The following ZBTB20 variants were observed in gnomAD, a reference collection of about 807,000 sequenced individuals.
ZBTB20 encodes the protein zinc finger and BTB domain-containing protein 20.
In ZBTB20, 9 loss-of-function variants were observed where a neutral mutation model predicts 56.9. That is an observed-to-expected ratio of 0.16 (90% CI 0.10 to 0.28). The LOEUF (loss-of-function observed/expected upper bound fraction) is 0.28, where lower values mean the gene tolerates loss of function less well. Ranked by LOEUF, ZBTB20 falls within the 10% of genes least tolerant of loss-of-function variation. ZBTB20 has a pLI of 1.00. For synonymous variants in ZBTB20, 417 were observed against 420.7 expected (o/e 0.99, Z 0.11); for missense variants, 655 against 1,003.0 (o/e 0.65, Z 4.69).
chr3:115,097,635 G>A (rs2083428994), intron 1 of ZBTB20, among the ~76,000 whole-genome samples: 1 of 152,104 alleles, frequency 6.6e-6, no homozygotes, highest in South Asian at 2.1e-4. Flanking sequence ...TTAGGTAACT[G>A]TCTGCTCCAA....
At chr3:114,473,428 G>C (rs1411609912) in intron 7 of ZBTB20, among the ~76,000 whole-genome samples, 1 of 152,126 alleles carries the variant, frequency 6.6e-6, no homozygotes, top group East Asian at 1.9e-4. Context: ...TGCATATTTT[G>C]TCTAAATATT....
chr3:114,855,353 T>C (rs1045096271), intron 4 of ZBTB20, among the ~76,000 whole-genome samples: 1 of 152,202 alleles, frequency 6.6e-6, no homozygotes, highest in Non-Finnish European at 1.5e-5. Context: ...ATATATCCCA[T>C]GTTACCAGGA....
intron 6 of ZBTB20, among the ~76,000 whole-genome samples, chr3:114,639,586 T>A (rs1010312317): frequency 6.6e-6 from 1 of 152,080 alleles, no homozygotes; most frequent in Non-Finnish European, 1.5e-5. Context: ...AAACTGACAT[T>A]TTTTTAGGAA....
At chr3:114,514,001 T>C (rs1334890343) in intron 6 of ZBTB20, among the ~76,000 whole-genome samples, 3 of 152,060 alleles carry the variant, frequency 2.0e-5, no homozygotes, top group African/African-American at 4.8e-5. Flanking sequence ...TATGTATGTG[T>C]ATATGTATGT....
chr3:114,387,946 T>A (rs996071010), intron 8 of ZBTB20: 1 of 152,238 alleles, frequency 6.6e-6, no homozygotes, highest in Non-Finnish European at 1.5e-5. Flanking sequence ...TTCAGTTGAC[T>A]GGAAGCATTA....
chr3:114,479,716 C>A (rs1380649412), intron 7 of ZBTB20, among the ~76,000 whole-genome samples: 3 of 152,176 alleles, frequency 2.0e-5, no homozygotes, highest in Non-Finnish European at 4.4e-5. Flanking sequence ...AGAAATACAG[C>A]CACATAATTT....
At chr3:114,564,121 A>C (rs1379871315) in intron 6 of ZBTB20, among the ~76,000 whole-genome samples, 1 of 150,134 alleles carries the variant, frequency 6.7e-6, no homozygotes, top group Non-Finnish European at 1.5e-5. Flanking sequence ...GCATCTTTCA[A>C]TCTCTCTCTC....
At chr3:114,670,797 C>T (rs2061322869) in intron 6 of ZBTB20, among the ~76,000 whole-genome samples, 1 of 152,064 alleles carries the variant, frequency 6.6e-6, no homozygotes, top group African/African-American at 2.4e-5. Context: ...GTGGTAGAAG[C>T]AAAATGCTGT....
chr3:114,322,258 T>A lies in ZBTB20; in HGVS notation c.*16747A>T, dbSNP rs952127750. The A allele has an allele frequency of 6.6e-6, 1 of 152,232 alleles. No homozygotes were observed. The highest frequency in any genetic ancestry group is 6.5e-5 in the Admixed American group (1 of 15,286). 9.4% of individuals were successfully genotyped at this position (152,232 alleles called of 1,614,324 possible). Reference sequence around the variant, plus strand: ...CTCCAGGTCATGACTCTATTAAAGATCATTTACAGTGTCAAGTAGTGTTGT... The same window carrying A: ...CTCCAGGTCATGACTCTATTAAAGAACATTTACAGTGTCAAGTAGTGTTGT... On this transcript the variant is annotated 3_prime_UTR_variant, in exon 12 of 12. Coordinates refer to ENST00000675478, the MANE Select transcript of ZBTB20 (RefSeq NM_001348800.3).
chr3:114,359,892 G>A (rs769890633), intron 10 of ZBTB20, among the ~76,000 whole-genome samples: 2 of 151,952 alleles, frequency 1.3e-5, no homozygotes, highest in African/African-American at 4.8e-5. Flanking sequence ...TGTTCTTGTG[G>A]TCTCTACATA....
chr3:114,522,988 T>C (rs963161618), intron 6 of ZBTB20, among the ~76,000 whole-genome samples: 2 of 152,044 alleles, frequency 1.3e-5, no homozygotes, highest in African/African-American at 4.8e-5. Context: ...TGGGTGCAAA[T>C]ATTAAGAGAG....
chr3:115,015,907 A>G (rs2079933705), intron 2 of ZBTB20, among the ~76,000 whole-genome samples: 1 of 151,844 alleles, frequency 6.6e-6, no homozygotes, highest in Non-Finnish European at 1.5e-5. Context: ...TGTCTTCCAC[A>G]ATGGTTGAAC....
chr3:114,798,281 T>G (rs1397799663), intron 5 of ZBTB20, among the ~76,000 whole-genome samples: 2 of 151,122 alleles, frequency 1.3e-5, no homozygotes, highest in Non-Finnish European at 3.0e-5. Flanking sequence ...CCAAATAAAT[T>G]TGCCTCTACA....
intron 6 of ZBTB20, among the ~76,000 whole-genome samples, chr3:114,676,679 A>G (rs182208933): frequency 6.6e-6 from 1 of 152,222 alleles, no homozygotes; most frequent in East Asian, 1.9e-4. Context: ...ATGATATAAT[A>G]TACCAATGTC....
chr3:114,537,740 T>C (rs897825312), intron 6 of ZBTB20, among the ~76,000 whole-genome samples: 5 of 152,124 alleles, frequency 3.3e-5, no homozygotes, highest in Non-Finnish European at 7.3e-5. Context: ...CCAAGCCAAA[T>C]GCCCATCAAT....
chr3:114,741,803 C>A (rs1201558635), intron 5 of ZBTB20, among the ~76,000 whole-genome samples: 1 of 151,036 alleles, frequency 6.6e-6, no homozygotes, highest in Non-Finnish European at 1.5e-5. Flanking sequence ...ACTGCTTGAA[C>A]CTTGGAGGCG....
rs565470874 is a variant in ZBTB20 at position 114,449,631 on chromosome 3, T to C, written c.-255+50721A>G. Among the ~76,000 whole-genome samples, 156 of 151,232 alleles carry C rather than the reference T, an allele frequency of 1.0e-3. 1 individual carries two copies. Among genetic ancestry groups the C allele is most frequent in the Non-Finnish European group, 1.8e-3 (124 of 67,908 alleles). On this transcript the variant is annotated intron_variant, in intron 7 of 11. Transcript: ENST00000675478. ...TCCAGAGGCAAACTATGACTACTTA[T>C]TAAGCAAGAGGAGAACCTGCTTCTT...
chr3:114,933,963 G>A (rs2076444267), intron 3 of ZBTB20, among the ~76,000 whole-genome samples: 1 of 152,088 alleles, frequency 6.6e-6, no homozygotes, highest in African/African-American at 2.4e-5. Context: ...CCATTGCACT[G>A]CATTCAGAAT....
intron 6 of ZBTB20, among the ~76,000 whole-genome samples, chr3:114,679,832 C>G (rs531598127): frequency 6.6e-6 from 1 of 152,258 alleles, no homozygotes; most frequent in African/African-American, 2.4e-5. Context: ...AAGACTCATG[C>G]ACACATATGT....
Sources: allele counts gnomAD v4.1 joint callset (sites outside exome capture counted in the v4.1 genomes callset), GRCh38; gene constraint gnomAD v4.1.1; transcripts MANE v1.5; gene names NCBI Gene and HGNC (gene_info 2026-07-23, HGNC 2026-07-21).